The following ADGRB3 variants were observed in gnomAD, a reference collection of about 807,000 sequenced individuals.
ADGRB3 encodes the protein brain-specific angiogenesis inhibitor 3.
ADGRB3 carries 37 observed loss-of-function variants against 193.4 expected under a neutral mutation model. The ratio of observed to expected loss-of-function variants is 0.19; its 90% CI spans 0.15 to 0.25. The LOEUF is 0.25. ADGRB3 is among the 10% of genes least tolerant of loss of function. The pLI is 1.00. For missense variants in ADGRB3, 1,637 were observed against 1,852.9 expected, an observed-to-expected ratio of 0.88 and a Z score of 2.14; for synonymous variants, 690 against 644.2, an observed-to-expected ratio of 1.07 and a Z score of -1.08.
At chr6:68,772,858 CA>C (rs1766645716) in intron 3 of ADGRB3, among the ~76,000 whole-genome samples, 1 of 13,388 alleles carries the variant, frequency 7.5e-5, no homozygotes, top group Non-Finnish European at 1.5e-4. Context: ...TTTCTAAAAA[CA>C]AACAAACAAA....
intron 17 of ADGRB3, among the ~76,000 whole-genome samples, chr6:69,149,214 T>A (rs1238450880): frequency 6.6e-6 from 1 of 152,112 alleles, no homozygotes; most frequent in Non-Finnish European, 1.5e-5. Context: ...TAGGCATGCC[T>A]CATTCTTTTC....
chr6:69,189,646 G>A (rs1234380306), intron 17 of ADGRB3, among the ~76,000 whole-genome samples: 4 of 152,034 alleles, frequency 2.6e-5, no homozygotes, highest in African/African-American at 9.7e-5. Flanking sequence ...ATTATAAATA[G>A]GCACATCTAT....
At chr6:69,222,411 T>G (rs1765914860) in intron 17 of ADGRB3, among the ~76,000 whole-genome samples, 1 of 152,182 alleles carries the variant, frequency 6.6e-6, no homozygotes, top group African/African-American at 2.4e-5. Context: ...ACTGGCTAAT[T>G]TTATAAATGA....
chr6:69,090,593 T>C (rs1346572542), intron 17 of ADGRB3, among the ~76,000 whole-genome samples: 2 of 152,198 alleles, frequency 1.3e-5, no homozygotes, highest in Non-Finnish European at 2.9e-5. Context: ...AAAATGTTGG[T>C]ACTGGGGACA....
chr6:69,276,840 G>A (rs1767313114), intron 20 of ADGRB3, among the ~76,000 whole-genome samples: 1 of 152,016 alleles, frequency 6.6e-6, no homozygotes, highest in Non-Finnish European at 1.5e-5. Context: ...TATGTTTATG[G>A]TGTAGATTGT....
chr6:68,966,866 A>G (rs564824843), intron 8 of ADGRB3, among the ~76,000 whole-genome samples: 1 of 152,354 alleles, frequency 6.6e-6, no homozygotes, highest in Admixed American at 6.5e-5. Context: ...ACTGAGAAGT[A>G]CCTAGAAAGA....
chr6:69,291,763 G>T (rs1767687729), intron 20 of ADGRB3, among the ~76,000 whole-genome samples: 1 of 152,036 alleles, frequency 6.6e-6, no homozygotes. Context: ...TGGTACATTG[G>T]CATATTAACT....
chr6:68,968,290 C>T (rs1170271073), intron 8 of ADGRB3, among the ~76,000 whole-genome samples: 1 of 152,112 alleles, frequency 6.6e-6, no homozygotes, highest in African/African-American at 2.4e-5. Flanking sequence ...TCTAACTACA[C>T]ATTTGACCGT....
At chr6:69,129,121 G>A (rs1049128656) in intron 17 of ADGRB3, among the ~76,000 whole-genome samples, 3 of 152,124 alleles carry the variant, frequency 2.0e-5, no homozygotes, top group Non-Finnish European at 2.9e-5. Context: ...CACCTTCACA[G>A]CTTAATGAGG....
At chr6:69,121,583 A>C (rs541379082) in intron 17 of ADGRB3, among the ~76,000 whole-genome samples, 1 of 151,780 alleles carries the variant, frequency 6.6e-6, no homozygotes, top group South Asian at 2.1e-4. Context: ...CTCACTTCCC[A>C]GATGGGGCAG....
chr6:69,176,481 GA>G (rs1775430786), intron 17 of ADGRB3, among the ~76,000 whole-genome samples: 1 of 152,168 alleles, frequency 6.6e-6, no homozygotes, highest in African/African-American at 2.4e-5. Flanking sequence ...TCCCAGGAAT[GA>G]AGCCTACTTG....
chr6:69,338,702 T>A (rs1183853099), intron 24 of ADGRB3, among the ~76,000 whole-genome samples: 1 of 152,240 alleles, frequency 6.6e-6, no homozygotes, highest in East Asian at 1.9e-4. Flanking sequence ...GATGGAAATA[T>A]GTTTTGCATG....
intron 3 of ADGRB3, among the ~76,000 whole-genome samples, chr6:68,827,688 T>C (rs1381258658): frequency 2.0e-5 from 3 of 151,938 alleles, no homozygotes; most frequent in Non-Finnish European, 4.4e-5. Context: ...GGTTCTATAG[T>C]TGTGGTTTGG....
intron 17 of ADGRB3, among the ~76,000 whole-genome samples, chr6:69,135,048 A>G (rs1774114031): frequency 6.6e-6 from 1 of 151,996 alleles, no homozygotes; most frequent in South Asian, 2.1e-4. Context: ...AGGGGTATAA[A>G]TTTCAATACA....
intron 3 of ADGRB3, among the ~76,000 whole-genome samples, chr6:68,866,096 C>T (rs1048398851): frequency 2.2e-5 from 3 of 136,960 alleles, no homozygotes; most frequent in Non-Finnish European, 4.9e-5. Flanking sequence ...CTTAAAACTT[C>T]TTTGTGTCAG....
intron 6 of ADGRB3, among the ~76,000 whole-genome samples, chr6:68,948,717 T>G (rs1767838610): frequency 6.6e-6 from 1 of 152,104 alleles, no homozygotes; most frequent in Non-Finnish European, 1.5e-5. Flanking sequence ...TCTGATATGT[T>G]TCCATGCAGT....
intron 20 of ADGRB3, among the ~76,000 whole-genome samples, chr6:69,317,833 G>C (rs1037453219): frequency 6.6e-6 from 1 of 151,228 alleles, no homozygotes. Flanking sequence ...AGACAAATCG[G>C]TAATGTTTAA....
At chr6:68,943,802 T>C in intron 5 of ADGRB3, 28 bp from the exon 6 acceptor site, 1 of 1,548,586 alleles carries the variant, frequency 6.5e-7, no homozygotes, top group Non-Finnish European at 8.8e-7. Flanking sequence ...TCTGCTTTTG[T>C]TGTTGAAGCT....
rs1765307631 is a variant in ADGRB3, at chr6:68,866,763, G to T, written c.758-63796G>T. On this transcript the variant is annotated intron_variant, in intron 3 of 31. Coordinates refer to ENST00000370598, the MANE Select transcript of ADGRB3 (RefSeq NM_001704.3). ...GGGAACTGGAGCAAAGGTCACTCTTGCTTTGCTTTAGCAAAAAGATTGGCA... is the reference window on the plus strand; with the variant it reads ...GGGAACTGGAGCAAAGGTCACTCTTTCTTTGCTTTAGCAAAAAGATTGGCA... Among the ~76,000 whole-genome samples, 3 of 152,330 alleles carry T rather than the reference G, an allele frequency of 2.0e-5. No homozygotes were observed. In the South Asian group the frequency reaches 6.2e-4, roughly 32 times the overall value.
Sources: allele counts gnomAD v4.1 joint callset (sites outside exome capture counted in the v4.1 genomes callset), GRCh38; gene constraint gnomAD v4.1.1; transcripts MANE v1.5; gene names NCBI Gene and HGNC (gene_info 2026-07-23, HGNC 2026-07-21).